Variants in PTPRS observed in about 807,000 individuals in gnomAD.
The protein encoded by PTPRS is receptor-type tyrosine-protein phosphatase S.
Under a neutral mutation model 215.3 loss-of-function variants are expected in PTPRS, and 63 were observed. The ratio of observed to expected loss-of-function variants is 0.29; its 90% confidence interval spans 0.24 to 0.36. PTPRS has a LOEUF of 0.36. Ranked by LOEUF, PTPRS falls within the 10% of genes least tolerant of loss-of-function variation. The pLI is 1.00. For synonymous variants in PTPRS, 1,404 were observed against 1,191.4 expected, an observed-to-expected ratio of 1.18 and a Z score of -3.68; for missense variants, 2,258 against 2,825.8, an observed-to-expected ratio of 0.80 and a Z score of 4.56.
intron 1 of PTPRS, among the ~76,000 whole-genome samples, chr19:5,326,217 T>C (rs34470404): frequency 0.09 from 13,574 of 151,632 alleles, 755 homozygotes; most frequent in Non-Finnish European, 0.14. Flanking sequence ...GGCGACAGAG[T>C]GAGACTCCAT....
chr19:5,223,957 T>C (rs1423843651), intron 17 of PTPRS, among the ~76,000 whole-genome samples: 3 of 151,606 alleles, frequency 2.0e-5, no homozygotes, highest in Non-Finnish European at 4.4e-5. Flanking sequence ...GATGGGCAGA[T>C]CATTTCAGGT....
chr19:5,247,219 T>TAATTAA (rs1555777846), intron 9 of PTPRS, among the ~76,000 whole-genome samples: 1 of 148,518 alleles, frequency 6.7e-6, no homozygotes, highest in African/African-American at 2.5e-5. Context: ...ATAATAATAA[T>TAATTAA]TAATAATAAT....
intron 6 of PTPRS, among the ~76,000 whole-genome samples, chr19:5,262,342 C>T (rs768459387): frequency 6.6e-6 from 1 of 152,174 alleles, no homozygotes; most frequent in Non-Finnish European, 1.5e-5. Flanking sequence ...AACAATGTAT[C>T]CCTTAGCCAT....
chr19:5,238,347 C>A (rs181480955), intron 13 of PTPRS, among the ~76,000 whole-genome samples: 2 of 152,164 alleles, frequency 1.3e-5, no homozygotes, highest in South Asian at 2.1e-4. Context: ...CATGCCCCCA[C>A]GAAACCTGGC....
intron 7 of PTPRS, 37 bp from the exon 8 acceptor site, chr19:5,258,164 G>C (rs374693460): frequency 7.1e-6 from 11 of 1,556,800 alleles, no homozygotes; most frequent in African/African-American, 4.1e-5. Flanking sequence ...TCTGTTAGAG[G>C]GGGGCCCAGG....
At chr19:5,330,277 C>A (rs79587719) in intron 1 of PTPRS, among the ~76,000 whole-genome samples, 15,921 of 152,082 alleles carry the variant, frequency 0.1, 915 homozygotes, top group Middle Eastern at 0.21. Flanking sequence ...AAGGGCTTGT[C>A]ATTCCCAGTT....
intron 1 of PTPRS, among the ~76,000 whole-genome samples, chr19:5,310,696 T>G (rs2049672773): frequency 1.3e-5 from 2 of 151,680 alleles, no homozygotes; most frequent in East Asian, 3.9e-4. Flanking sequence ...GGCTTTTGTT[T>G]TTTGGGTGTT....
chr19:5,219,980 A>G lies in PTPRS; in HGVS notation c.3724T>C (p.Tyr1242His). The change falls in exon 22 of 38, where the codon TAT becomes CAT. Residue 1242 changes from tyrosine to histidine, a missense_variant. Transcript: ENST00000262963. The part of the protein sequence containing the change: ...DNRGLEPGHR[Y>H]VLFVLAVLQK... ...AGCACGGCAAGCACGAAGAGGACAT[A>G]GCGGTGGCCGGGCTCCAGGCCCCGG... 6.2e-7 allele frequency: 1 copy of G among 1,613,880 alleles called. No homozygotes were observed. The highest frequency in any genetic ancestry group is 8.5e-7 in the Non-Finnish European group (1 of 1,180,020).
intron 1 of PTPRS, among the ~76,000 whole-genome samples, chr19:5,289,506 G>A (rs2048636094): frequency 6.6e-6 from 1 of 152,090 alleles, no homozygotes; most frequent in African/African-American, 2.4e-5. Context: ...ACCTGCCTCG[G>A]GGTCAAAGCC....
intron 1 of PTPRS, among the ~76,000 whole-genome samples, chr19:5,307,634 G>T (rs940400377): frequency 1.1e-4 from 16 of 152,114 alleles, no homozygotes; most frequent in Non-Finnish European, 2.1e-4. Flanking sequence ...GATAAACTGC[G>T]CTCTTCAAAA....
In PTPRS at chr19:5,237,630, G is replaced by T. The variant is rs1057316932; in HGVS notation, c.1849+1289C>A. ...GTCCGTTCAGCCCAGAGTGGCTGGG[G>T]CAGGCGGGGGGGCACGCGGGGTGGG... On this transcript the variant is annotated intron_variant, in intron 13 of 37. Coordinates refer to ENST00000262963, the MANE Select transcript of PTPRS (RefSeq NM_002850.4). The surrounding 1 kb of genome is among the most constrained non-coding windows in gnomAD (Gnocchi z 4.2). Among the ~76,000 whole-genome samples the T allele has an allele frequency of 7.2e-5, 11 of 152,214 alleles. No homozygotes were observed. Among genetic ancestry groups the T allele is most frequent in the African/African-American group, 2.7e-4 (11 of 41,456 alleles).
chr19:5,260,831 G>C lies in PTPRS; in HGVS notation c.578-9C>G, dbSNP rs373235327. 10 of 1,613,132 alleles carry C rather than the reference G, an allele frequency of 6.2e-6. No homozygotes were observed. The African/African-American group carries it at 1.3e-4, about 22-fold the overall frequency. On this transcript the variant is annotated splice_polypyrimidine_tract_variant and intron_variant, in intron 6 of 37. Coordinates refer to ENST00000262963, the MANE Select transcript of PTPRS (RefSeq NM_002850.4). ...TCGAATCGGAGTGCTTTCTGTAAGG[G>C]AAGCAGAGAGAACCAGGTGAATGTC...
At chr19:5,308,654 G>T (rs1228528087) in intron 1 of PTPRS, among the ~76,000 whole-genome samples, 1 of 152,320 alleles carries the variant, frequency 6.6e-6, no homozygotes, top group South Asian at 2.1e-4. Context: ...GTTCAGCAGT[G>T]GGGGAAGAGA....
chr19:5,258,823 C>T (rs754224883), intron 7 of PTPRS, among the ~76,000 whole-genome samples: 3 of 152,208 alleles, frequency 2.0e-5, no homozygotes, highest in Non-Finnish European at 4.4e-5. Flanking sequence ...TCCAAGCCTT[C>T]TGGCCTGAAA....
intron 1 of PTPRS, among the ~76,000 whole-genome samples, chr19:5,298,538 T>C (rs922509623): frequency 6.6e-6 from 1 of 152,242 alleles, no homozygotes. Context: ...TTCCCTGCCC[T>C]GGTCTTGCCC....
chr19:5,224,337 A>G (rs1268057188), intron 17 of PTPRS, among the ~76,000 whole-genome samples: 1 of 152,156 alleles, frequency 6.6e-6, no homozygotes, highest in Admixed American at 6.5e-5. Flanking sequence ...GGGCGCATAA[A>G]GCACAGCAAG....
intron 1 of PTPRS, among the ~76,000 whole-genome samples, chr19:5,326,277 T>C (rs2050164129): frequency 1.3e-5 from 2 of 151,904 alleles, no homozygotes; most frequent in South Asian, 4.1e-4. Flanking sequence ...GGGGTCATTC[T>C]GTGCTGGGCT....
chr19:5,230,420 C>T (rs958776764), intron 14 of PTPRS, among the ~76,000 whole-genome samples: 1 of 152,186 alleles, frequency 6.6e-6, no homozygotes, highest in Non-Finnish European at 1.5e-5. Flanking sequence ...ACCTCAGCCT[C>T]CCAAGTAGCT....
intron 26 of PTPRS, among the ~76,000 whole-genome samples, chr19:5,215,862 C>T (rs537982020): frequency 6.6e-6 from 1 of 152,280 alleles, no homozygotes; most frequent in East Asian, 1.9e-4. Context: ...TGGATCACAG[C>T]ATTGGCCCAT....
Sources: gnomAD v4.1 joint callset for allele counts (sites outside exome capture counted in the v4.1 genomes callset) on GRCh38, gnomAD v4.1.1 for gene constraint, Gnocchi (gnomAD v3.1) non-coding constraint, MANE v1.5 for transcripts, NCBI Gene and HGNC (gene_info 2026-07-23, HGNC 2026-07-21) for gene names.